GFOD1: variants seen among roughly 807,000 people sequenced by gnomAD.
GFOD1 encodes the protein Gfo/Idh/MocA-like oxidoreductase domain containing 1.
GFOD1 carries 9 observed loss-of-function variants against 25.4 expected under a neutral mutation model. The ratio of observed to expected loss-of-function variants is 0.35; its 90% CI spans 0.21 to 0.62. The LOEUF (loss-of-function observed/expected upper bound fraction) is 0.62. Ranked by LOEUF, GFOD1 falls within the 20% of genes least tolerant of loss-of-function variation. The pLI is 0.72. For missense variants in GFOD1, 403 were observed against 556.9 expected (o/e 0.72, Z 2.78); for synonymous variants, 253 against 245.6 (o/e 1.03, Z -0.28).
intron 1 of GFOD1, among the ~76,000 whole-genome samples, chr6:13,425,337 A>C (rs1315299827): frequency 6.6e-6 from 1 of 152,110 alleles, no homozygotes; most frequent in East Asian, 1.9e-4. Flanking sequence ...GAAAACTGAG[A>C]TCGGAAAGAT....
rs2127570136 is a variant in GFOD1, at chr6:13,430,897, T to G, written c.253+55741A>C. On this transcript the variant is annotated intron_variant, in intron 1 of 1. Transcript: ENST00000379287. This position sits in a 1 kb window ranked among gnomAD's most constrained non-coding sequence, Gnocchi z 4.1. Reference sequence around the variant, plus strand: ...CCATCTCCAACTTTTCAGGTAACCTTCTCCTGCCCTCTCTACAGTCCAGCC... The same window carrying G: ...CCATCTCCAACTTTTCAGGTAACCTGCTCCTGCCCTCTCTACAGTCCAGCC... Among the ~76,000 whole-genome samples the G allele has an allele frequency of 6.6e-6, 1 of 152,210 alleles. No individual in the cohort carries two copies. The highest frequency in any genetic ancestry group is 1.9e-4 in the East Asian group (1 of 5,190).
intron 1 of GFOD1, among the ~76,000 whole-genome samples, chr6:13,451,413 G>A (rs1758096628): frequency 6.6e-6 from 1 of 152,148 alleles, no homozygotes; most frequent in Non-Finnish European, 1.5e-5. Context: ...GTGAGGTCAG[G>A]GAGCCATCGC....
intron 1 of GFOD1, among the ~76,000 whole-genome samples, chr6:13,441,241 C>T (rs540521932): frequency 1.3e-5 from 2 of 152,316 alleles, no homozygotes; most frequent in South Asian, 4.1e-4. Flanking sequence ...GACATCTGCC[C>T]TTCTTCATCC....
At position 13,363,355 on chromosome 6, in the gene GFOD1, G is replaced by C. The variant is rs1784977028; in HGVS notation, c.*1388C>G. The C allele has an allele frequency of 6.6e-6, 1 of 152,126 alleles. No homozygotes were observed. The highest frequency in any genetic ancestry group is 1.5e-5 in the Non-Finnish European group (1 of 68,022). The allele number at this position is 152,126 out of a possible 1,614,324, so 9.4% of individuals were successfully genotyped here. A position where few individuals can be genotyped will look rare whatever the true frequency, so the allele number is the denominator to read the frequency against. Reference sequence around the variant, plus strand: ...GTGTGCAAGGACAAGACAGACAGCAGACCAATTAGAAGAACATGTTTTTTC... The same window carrying C: ...GTGTGCAAGGACAAGACAGACAGCACACCAATTAGAAGAACATGTTTTTTC... On this transcript the variant is annotated 3_prime_UTR_variant, in exon 2 of 2. Transcript: ENST00000379287.
chr6:13,408,197 T>G, intron 1 of GFOD1: 1 of 604,998 alleles, frequency 1.7e-6, no homozygotes, highest in Non-Finnish European at 2.1e-6. Context: ...CAATTGAATG[T>G]GGCCTTGGGC....
chr6:13,406,948 C>T (rs1562208487), intron 1 of GFOD1, among the ~76,000 whole-genome samples: 1 of 152,174 alleles, frequency 6.6e-6, no homozygotes, highest in Non-Finnish European at 1.5e-5. Context: ...CCCATGGTTG[C>T]CAAGAATAAA....
At chr6:13,442,470 G>A (rs1757932625) in intron 1 of GFOD1, among the ~76,000 whole-genome samples, 1 of 152,132 alleles carries the variant, frequency 6.6e-6, no homozygotes, top group African/African-American at 2.4e-5. Context: ...GATTTTCAAT[G>A]TAGATGAAAC....
At chr6:13,470,676 T>C in intron 1 of GFOD1, 1 of 1,440,658 alleles carries the variant, frequency 6.9e-7, no homozygotes. Flanking sequence ...ACATCTCATT[T>C]TCTACCACCC....
At chr6:13,372,415 G>A (rs1259109617) in intron 1 of GFOD1, among the ~76,000 whole-genome samples, 2 of 152,186 alleles carry the variant, frequency 1.3e-5, no homozygotes, top group African/African-American at 2.4e-5. Flanking sequence ...GTGCTATAGG[G>A]AAGAGTTTCC....
chr6:13,450,290 C>T (rs913506547), intron 1 of GFOD1, among the ~76,000 whole-genome samples: 1 of 152,130 alleles, frequency 6.6e-6, no homozygotes, highest in African/African-American at 2.4e-5. Context: ...GGCAGAGGGG[C>T]CCAATCCTCT....
intron 1 of GFOD1, among the ~76,000 whole-genome samples, chr6:13,428,971 TA>T (rs1292282015): frequency 6.6e-6 from 1 of 152,250 alleles, no homozygotes; most frequent in African/African-American, 2.4e-5. Context: ...AAAGTGGGAA[TA>T]AATGTCTTAA....
chr6:13,371,596 A>C (rs1005068579), intron 1 of GFOD1, among the ~76,000 whole-genome samples: 1 of 152,244 alleles, frequency 6.6e-6, no homozygotes, highest in African/African-American at 2.4e-5. Flanking sequence ...CTCCAGATTA[A>C]CAGGCAGTGA....
intron 1 of GFOD1, among the ~76,000 whole-genome samples, chr6:13,414,139 C>G (rs1786125308): frequency 6.6e-6 from 1 of 152,236 alleles, no homozygotes; most frequent in African/African-American, 2.4e-5. Context: ...GTTCCCCAGC[C>G]AGGCTAACTG....
chr6:13,394,318 G>C (rs1400407718), intron 1 of GFOD1, among the ~76,000 whole-genome samples: 2 of 151,988 alleles, frequency 1.3e-5, no homozygotes, highest in Non-Finnish European at 2.9e-5. Context: ...ACAGAAAAAA[G>C]AATAAATATA....
At chr6:13,409,140 A>AGAAAGAGG (rs1786007475) in intron 1 of GFOD1, among the ~76,000 whole-genome samples, 3 of 48,992 alleles carry the variant, frequency 6.1e-5, no homozygotes, top group African/African-American at 1.4e-4. Context: ...AAAGAAAGAA[A>AGAAAGAGG]GAAAGAAAGA....
At chr6:13,458,738 G>A (rs1758236181) in intron 1 of GFOD1, among the ~76,000 whole-genome samples, 1 of 93,330 alleles carries the variant, frequency 1.1e-5, no homozygotes, top group African/African-American at 3.5e-5. Flanking sequence ...CCAGCAAAAA[G>A]ACTCCATTTC....
At chr6:13,454,485 G>A (rs1011382630) in intron 1 of GFOD1, among the ~76,000 whole-genome samples, 3 of 152,118 alleles carry the variant, frequency 2.0e-5, no homozygotes, top group Admixed American at 6.5e-5. Flanking sequence ...CATTAATGCG[G>A]CTTCCAACTC....
chr6:13,460,539 T>G (rs190815437), intron 1 of GFOD1, among the ~76,000 whole-genome samples: 1 of 152,198 alleles, frequency 6.6e-6, no homozygotes, highest in African/African-American at 2.4e-5. Flanking sequence ...GAAGCCATCA[T>G]TCTCAGCAAA....
chr6:13,389,307 T>C (rs1256820315), intron 1 of GFOD1, among the ~76,000 whole-genome samples: 1 of 152,202 alleles, frequency 6.6e-6, no homozygotes, highest in Non-Finnish European at 1.5e-5. Flanking sequence ...TAAAGACACA[T>C]GCACACATAT....
Sources: gnomAD v4.1 joint callset for allele counts (sites outside exome capture counted in the v4.1 genomes callset) on GRCh38, gnomAD v4.1.1 for gene constraint, Gnocchi (gnomAD v3.1) non-coding constraint, MANE v1.5 for transcripts, NCBI Gene and HGNC (gene_info 2026-07-23, HGNC 2026-07-21) for gene names.